Variants in KCNC2 observed in about 807,000 individuals in gnomAD.
The protein encoded by KCNC2 is potassium voltage-gated channel subfamily C member 2, also known as voltage-gated potassium channel KCNC2.
In KCNC2, 21 loss-of-function variants were observed where a neutral mutation model predicts 44.5. That is an observed-to-expected ratio of 0.47 (90% confidence interval 0.33 to 0.68). The LOEUF is 0.68. Ranked by LOEUF, KCNC2 falls within the 30% of genes least tolerant of loss-of-function variation. KCNC2 has a pLI of 0.01. For missense variants in KCNC2, 589 were observed against 826.2 expected, an observed-to-expected ratio of 0.71 and a Z score of 3.52; for synonymous variants, 391 against 339.1, an observed-to-expected ratio of 1.15 and a Z score of -1.68.
intron 2 of KCNC2, 69 bp from the exon 3 acceptor site, chr12:75,051,386 A>G: frequency 7.0e-6 from 6 of 860,262 alleles, no homozygotes; most frequent in Non-Finnish European, 1.1e-5. Context: ...TTCTAATCTA[A>G]AAGCAACAAT....
chr12:75,080,811 G>A (rs1264779333), intron 2 of KCNC2, among the ~76,000 whole-genome samples: 3 of 151,854 alleles, frequency 2.0e-5, no homozygotes, highest in Non-Finnish European at 4.4e-5. Context: ...TGCATGTGCC[G>A]TGATGGGATA....
chr12:75,050,763 T>G lies in KCNC2; in HGVS notation c.1242A>C (p.Ser414=), dbSNP rs200960771. 2 of 1,613,316 alleles carry G rather than the reference T, an allele frequency of 1.2e-6. No homozygotes were observed. The highest frequency in any genetic ancestry group is 1.7e-6 in the Non-Finnish European group (2 of 1,179,846). The part of the protein sequence containing the change: ...ERVGAQPNDP[S]ASEHTQFKNI... ...TTTTGAACTGTGTGTGCTCACTAGC[T>G]GAAGGGTCGTTAGGTTGAGCTCCCA... The change falls in exon 3 of 5, where the codon TCA becomes TCC. Residue 414 remains serine (S), a synonymous_variant. Transcript: ENST00000549446.
intron 2 of KCNC2, among the ~76,000 whole-genome samples, chr12:75,095,125 A>C (rs1428349499): frequency 1.3e-5 from 2 of 151,954 alleles, no homozygotes; most frequent in East Asian, 3.9e-4. Flanking sequence ...TACTGATAAC[A>C]GAGAAACTGT....
chr12:75,079,647 C>T lies in KCNC2; in HGVS notation c.688-28330G>A, dbSNP rs565448114. The stretch of plus-strand genomic sequence containing the variant: ...GAATATGAACAGTCTCTACAAAAGG[C>T]CAGAATTCTAAGGTAAAATAAAACA... On this transcript the variant is annotated intron_variant, in intron 2 of 4. Transcript: ENST00000549446. Among the ~76,000 whole-genome samples, 9 of 152,058 alleles carry T rather than the reference C, an allele frequency of 5.9e-5. No homozygotes were observed. In the South Asian group the frequency reaches 6.2e-4, roughly 11 times the overall value.
chr12:75,144,259 G>C (rs1307978731), intron 2 of KCNC2, among the ~76,000 whole-genome samples: 1 of 152,128 alleles, frequency 6.6e-6, no homozygotes, highest in African/African-American at 2.4e-5. Flanking sequence ...CAAGTTATTG[G>C]AAGACATGGG....
At chr12:75,064,271 ATC>A (rs1357396777) in intron 2 of KCNC2, among the ~76,000 whole-genome samples, 1 of 151,946 alleles carries the variant, frequency 6.6e-6, no homozygotes, top group Non-Finnish European at 1.5e-5. Flanking sequence ...TATTATTATA[ATC>A]TCTCTTATTT....
intron 2 of KCNC2, among the ~76,000 whole-genome samples, chr12:75,132,946 C>T (rs1336359606): frequency 6.6e-6 from 1 of 152,046 alleles, no homozygotes; most frequent in Non-Finnish European, 1.5e-5. Flanking sequence ...GACTACCTCT[C>T]ATCTTTACAT....
intron 2 of KCNC2, among the ~76,000 whole-genome samples, chr12:75,199,354 G>A (rs2031046849): frequency 6.6e-6 from 1 of 151,762 alleles, no homozygotes; most frequent in African/African-American, 2.4e-5. Flanking sequence ...AAAACAATGA[G>A]GAAATGTCAG....
At chr12:75,081,098 G>A (rs986342188) in intron 2 of KCNC2, among the ~76,000 whole-genome samples, 3 of 58,874 alleles carry the variant, frequency 5.1e-5, no homozygotes, top group African/African-American at 9.1e-5. Context: ...TTCCTGTAAC[G>A]CTATACACTA....
intron 2 of KCNC2, among the ~76,000 whole-genome samples, chr12:75,059,469 A>G (rs1015360488): frequency 6.6e-6 from 1 of 152,160 alleles, no homozygotes; most frequent in Admixed American, 6.6e-5. Context: ...AGGAGAAATC[A>G]CCCATTGTCT....
At position 75,042,127 on chromosome 12, in the gene KCNC2, T is replaced by G. The variant is rs1363713443; in HGVS notation, c.*978A>C. 3.3e-5 allele frequency: 41 copies of G among 1,253,044 alleles called. No homozygotes were observed. Among genetic ancestry groups the G allele is most frequent in the Non-Finnish European group, 3.9e-5 (39 of 997,026 alleles). The allele number at this position is 1,253,044 out of a possible 1,614,324, so 77.6% of individuals were successfully genotyped here. On this transcript the variant is annotated 3_prime_UTR_variant, in exon 5 of 5. Coordinates refer to ENST00000549446, the MANE Select transcript of KCNC2 (RefSeq NM_139137.4). ...AAAAAATTAATAAATAAAAATAAAA[T>G]AAGGGGGTAAAAAAAAGACACAAGA... is the stretch of plus-strand genomic sequence containing the variant.
At chr12:75,123,768 G>A (rs1483337918) in intron 2 of KCNC2, among the ~76,000 whole-genome samples, 1 of 151,938 alleles carries the variant, frequency 6.6e-6, no homozygotes, top group Non-Finnish European at 1.5e-5. Context: ...GGAACCCCAG[G>A]GATCAGTGAG....
chr12:75,178,673 C>G (rs1892358553), intron 2 of KCNC2, among the ~76,000 whole-genome samples: 1 of 151,974 alleles, frequency 6.6e-6, no homozygotes, highest in East Asian at 1.9e-4. Flanking sequence ...AAGTACACCC[C>G]CAATTTTTAA....
intron 2 of KCNC2, among the ~76,000 whole-genome samples, chr12:75,162,060 A>T (rs573844302): frequency 4.0e-5 from 6 of 151,670 alleles, no homozygotes; most frequent in African/African-American, 1.4e-4. Flanking sequence ...TCTATTTGGG[A>T]TTATAAACAA....
intron 2 of KCNC2, among the ~76,000 whole-genome samples, chr12:75,174,715 A>C (rs1002124793): frequency 6.6e-6 from 1 of 151,928 alleles, no homozygotes; most frequent in Non-Finnish European, 1.5e-5. Context: ...AGTTGTAAGA[A>C]GAAATGGAGT....
At chr12:75,078,385 T>A (rs1006603175) in intron 2 of KCNC2, among the ~76,000 whole-genome samples, 11 of 152,202 alleles carry the variant, frequency 7.2e-5, no homozygotes, top group Non-Finnish European at 1.6e-4. Context: ...CAGTTTGATA[T>A]TTTCATGTAA....
chr12:75,123,662 G>A (rs1302695644), intron 2 of KCNC2, among the ~76,000 whole-genome samples: 1 of 152,144 alleles, frequency 6.6e-6, no homozygotes, highest in East Asian at 1.9e-4. Flanking sequence ...TATAGTCTGA[G>A]TATACCACCA....
chr12:75,168,028 C>T (rs750995807), intron 2 of KCNC2, among the ~76,000 whole-genome samples: 2 of 151,282 alleles, frequency 1.3e-5, no homozygotes, highest in Non-Finnish European at 3.0e-5. Context: ...AAAATGAGCT[C>T]AATATCCAAG....
intron 2 of KCNC2, among the ~76,000 whole-genome samples, chr12:75,094,668 A>G (rs1885772257): frequency 6.6e-6 from 1 of 151,776 alleles, no homozygotes; most frequent in Non-Finnish European, 1.5e-5. Flanking sequence ...GCAACTTTCC[A>G]TAAGAAGAAT....
Sources: allele counts gnomAD v4.1 joint callset (sites outside exome capture counted in the v4.1 genomes callset), GRCh38; gene constraint gnomAD v4.1.1; transcripts MANE v1.5; gene names NCBI Gene and HGNC (gene_info 2026-07-23, HGNC 2026-07-21).